The following USP16 variants were observed in gnomAD, a reference collection of about 807,000 sequenced individuals.
USP16 encodes ubiquitin carboxyl-terminal hydrolase 16.
A neutral mutation model predicts 95.9 loss-of-function variants in USP16; 77 were observed. The ratio of observed to expected loss-of-function variants is 0.80; its 90% CI spans 0.67 to 0.97. The LOEUF (loss-of-function observed/expected upper bound fraction) is 0.97. Among genes scored for constraint, USP16 ranks in the 50% least tolerant of loss-of-function variants. USP16 has a pLI of 0.00. For synonymous variants in USP16, 303 were observed against 318.2 expected, an observed-to-expected ratio of 0.95 and a Z score of 0.51; for missense variants, 943 against 959.9, an observed-to-expected ratio of 0.98 and a Z score of 0.23.
rs1238806200 is a variant in USP16 at position 29,050,177 on chromosome 21, A to C, written c.2192A>C (p.Lys731Thr). ...GCTCCTTTTTGCACCCTTAAATGTA[A>C]GGTAAGTCAAAGTGGTCTTTTTCAG... ...DLAPFCTLKC[K>T]NVAEENTRVL... The change falls in exon 16 of 18, where the codon AAG (lysine) becomes ACG (threonine). Residue 731 changes from lysine (K) to threonine (T), a missense_variant and splice_region_variant. Physicochemically the swap from Lys to Thr is moderately conservative, Grantham distance 78 (BLOSUM62 -1). Coordinates refer to ENST00000399976, the MANE Select transcript of USP16 (RefSeq NM_006447.3). 9 of 1,612,548 alleles carry C rather than the reference A, an allele frequency of 5.6e-6. No homozygotes were observed. Among genetic ancestry groups the C allele is most frequent in the Non-Finnish European group, 6.8e-6 (8 of 1,179,690 alleles).
intron 2 of USP16, among the ~76,000 whole-genome samples, chr21:29,030,252 C>A (rs191298524): frequency 5.9e-5 from 9 of 151,732 alleles, no homozygotes; most frequent in African/African-American, 2.2e-4. Flanking sequence ...AAATGAAGGA[C>A]GTTTTCTACA....
Position 29,047,290 on chromosome 21 carries a change from A to T in USP16, c.1980A>T (p.Arg660Ser). 6.2e-7 allele frequency: 1 copy of T among 1,613,212 alleles called. No individual in the cohort carries two copies. Among genetic ancestry groups the T allele is most frequent in the Non-Finnish European group, 8.5e-7 (1 of 1,179,636 alleles). Residue 660 changes from arginine to serine, a missense_variant, in exon 14 of 18, where the codon AGA (arginine) becomes AGT (serine). Arg to Ser is a moderately radical substitution (Grantham distance 110). Coordinates refer to ENST00000399976, the MANE Select transcript of USP16 (RefSeq NM_006447.3). ...TGCTTTGTGAAGTATGCACACGGAGACAGTGTAATGGACCAAAGGCAAATA... is the reference window on the plus strand; with the variant it reads ...TGCTTTGTGAAGTATGCACACGGAGTCAGTGTAATGGACCAAAGGCAAATA... ...NKLLCEVCTR[R>S]QCNGPKANIK...
chr21:29,050,926 C>T (rs1403372963), intron 16 of USP16, among the ~76,000 whole-genome samples: 2 of 152,118 alleles, frequency 1.3e-5, no homozygotes, highest in East Asian at 1.9e-4. Context: ...GACGGAAAGA[C>T]TAGAGGTGGG....
intron 3 of USP16, among the ~76,000 whole-genome samples, chr21:29,031,891 C>T (rs1163222729): frequency 6.6e-6 from 1 of 152,172 alleles, no homozygotes; most frequent in Non-Finnish European, 1.5e-5. Context: ...TATAATATCA[C>T]AACCAGGATA....
At chr21:29,026,973 C>G (rs1202723839) in intron 1 of USP16, among the ~76,000 whole-genome samples, 1 of 152,090 alleles carries the variant, frequency 6.6e-6, no homozygotes, top group Non-Finnish European at 1.5e-5. Flanking sequence ...CTGTTAAATG[C>G]TTCCGATCAA....
At chr21:29,042,558 T>C in intron 12 of USP16, 30 bp downstream of exon 12, 2 of 1,571,132 alleles carry the variant, frequency 1.3e-6, no homozygotes, top group Non-Finnish European at 1.7e-6. Context: ...TTTATTCAAG[T>C]AGATTTTTTT....
intron 3 of USP16, among the ~76,000 whole-genome samples, chr21:29,033,623 G>A (rs955382970): frequency 1.3e-5 from 2 of 152,138 alleles, no homozygotes; most frequent in African/African-American, 4.8e-5. Flanking sequence ...CCATTTACTT[G>A]TTTAAATAGT....
chr21:29,053,737 T>TCTTGC, intron 16 of USP16, 65 bp from the exon 17 acceptor site: 1 of 1,533,744 alleles, frequency 6.5e-7, no homozygotes, highest in Non-Finnish European at 8.9e-7. Flanking sequence ...TGTAAACTTG[T>TCTTGC]CTTGCCCATG....
intron 5 of USP16, among the ~76,000 whole-genome samples, 182 bp from the exon 6 acceptor site, chr21:29,037,094 T>C (rs1478796550): frequency 6.6e-6 from 1 of 152,224 alleles, no homozygotes; most frequent in African/African-American, 2.4e-5. Flanking sequence ...TTTTGTTTAC[T>C]GGGTTTTGTG....
chr21:29,054,250 T>A lies in USP16; in HGVS notation c.*63T>A. On this transcript the variant is annotated 3_prime_UTR_variant, in exon 18 of 18. Coordinates refer to ENST00000399976, the MANE Select transcript of USP16 (RefSeq NM_006447.3). Reference sequence around the variant, plus strand: ...GCTTTTATAATGGCTGAAATAACGATAAAAAAAGACTAATTAAAATCATGT... The same window carrying A: ...GCTTTTATAATGGCTGAAATAACGAAAAAAAAAGACTAATTAAAATCATGT... 1 of 1,532,810 alleles carries A rather than the reference T, an allele frequency of 6.5e-7. No individual in the cohort carries two copies. The highest frequency in any genetic ancestry group is 1.9e-5 in the Admixed American group (1 of 51,846). 95.0% of individuals were successfully genotyped at this position (1,532,810 alleles called of 1,614,324 possible).
At chr21:29,027,679 A>G (rs1185480311) in intron 1 of USP16, among the ~76,000 whole-genome samples, 194 bp from the exon 2 acceptor site, 1 of 152,246 alleles carries the variant, frequency 6.6e-6, no homozygotes, top group East Asian at 1.9e-4. Context: ...TTCCTATGCT[A>G]TGAAAAACGG....
rs971185934 is a variant in USP16, at chr21:29,046,895, C to A, written c.1585C>A (p.Gln529Lys). ...AATGATCGAAAGTGTAACTGACAAT[C>A]AAAAATCCACAGAGGAAGTAGATAT... ...AKMIESVTDN[Q>K]KSTEEVDMKN... The change falls in exon 14 of 18, where the codon CAA (glutamine) becomes AAA (lysine). Residue 529 changes from glutamine (Q) to lysine (K), a missense_variant. Coordinates refer to ENST00000399976, the MANE Select transcript of USP16 (RefSeq NM_006447.3). 5.0e-6 allele frequency: 8 copies of A among 1,613,906 alleles called. No individual in the cohort carries two copies. The highest frequency in any genetic ancestry group is 1.6e-4 in the Middle Eastern group (1 of 6,084).
chr21:29,033,188 A>T (rs1399279016), intron 3 of USP16, among the ~76,000 whole-genome samples: 1 of 152,226 alleles, frequency 6.6e-6, no homozygotes, highest in Admixed American at 6.5e-5. Context: ...ACATGTCAGT[A>T]TTAACTGCTA....
intron 8 of USP16, 23 bp downstream of exon 8, chr21:29,039,179 C>T (rs1253728392): frequency 6.8e-7 from 1 of 1,468,732 alleles, no homozygotes; most frequent in Non-Finnish European, 9.0e-7. Flanking sequence ...TTCGATTGTG[C>T]TTTCAGTGCC....
chr21:29,034,707 AAC>A (rs754543674), intron 3 of USP16, 128 bp from the exon 4 acceptor site: 2 of 810,182 alleles, frequency 2.5e-6, no homozygotes, highest in Non-Finnish European at 3.9e-6. Context: ...TCTAGAGTCT[AAC>A]ATTTTCTTTT....
chr21:29,040,784 T>A, intron 10 of USP16, 97 bp downstream of exon 10: 1 of 518,784 alleles, frequency 1.9e-6, no homozygotes, highest in Non-Finnish European at 3.2e-6. Flanking sequence ...CCACAATTAT[T>A]AATGTATAAT....
Position 29,030,752 on chromosome 21 carries a change from G to A in USP16, c.219G>A (p.Leu73=), listed in dbSNP as rs768462448. Residue 73 remains leucine, a synonymous_variant, in exon 3 of 18, where the codon CTG becomes CTA. Transcript: ENST00000399976. ...CAGAAGAAAAGCCTTCAGTTTGGCTGTGTCTTAAATGTGGCCATCAGGTAT... is the reference window on the plus strand; with the variant it reads ...CAGAAGAAAAGCCTTCAGTTTGGCTATGTCTTAAATGTGGCCATCAGGTAT... ...EETEEKPSVW[L]CLKCGHQGCG... 4 of 1,610,456 alleles carry A rather than the reference G, an allele frequency of 2.5e-6. No homozygotes were observed. The highest frequency in any genetic ancestry group is 3.4e-6 in the Non-Finnish European group (4 of 1,178,964).
Position 29,054,129 on chromosome 21 carries a change from C to T in USP16, c.2414C>T (p.Pro805Leu). The T allele has an allele frequency of 6.2e-7, 1 of 1,614,192 alleles. No individual in the cohort carries two copies. The highest frequency in any genetic ancestry group is 8.5e-7 in the Non-Finnish European group (1 of 1,180,012). The stretch of plus-strand genomic sequence containing the variant: ...AGCGACACACATGTGCAAGCTGTGC[C>T]TACAACTAAAGTACTAAACTCACAA... ...HISDTHVQAV[P>L]TTKVLNSQAY... The change falls in exon 18 of 18, where the codon CCT (proline) becomes CTT (leucine). Residue 805 changes from proline to leucine, a missense_variant. Transcript: ENST00000399976.
At chr21:29,036,519 A>G (rs2146372064) in intron 5 of USP16, 145 bp downstream of exon 5, 2 of 771,570 alleles carry the variant, frequency 2.6e-6, no homozygotes, top group East Asian at 5.4e-5. Flanking sequence ...TTTTTGGTTT[A>G]ACTATAAGGT....
Sources: allele counts gnomAD v4.1 joint callset (sites outside exome capture counted in the v4.1 genomes callset), GRCh38; gene constraint gnomAD v4.1.1; transcripts MANE v1.5; gene names NCBI Gene and HGNC (gene_info 2026-07-23, HGNC 2026-07-21).